PTPRT: variants seen among roughly 807,000 people sequenced by gnomAD.
PTPRT encodes receptor-type tyrosine-protein phosphatase T.
PTPRT carries 56 observed loss-of-function variants against 176.8 expected under a neutral mutation model. The ratio of observed to expected loss-of-function variants is 0.32; its 90% CI spans 0.26 to 0.40. The LOEUF (loss-of-function observed/expected upper bound fraction) is 0.40, where lower values mean the gene tolerates loss of function less well. Among genes scored for constraint, PTPRT ranks in the 10% least tolerant of loss-of-function variants. The pLI is 1.00. For missense variants in PTPRT, 1,540 were observed against 1,908.2 expected, an observed-to-expected ratio of 0.81 and a Z score of 3.60; for synonymous variants, 783 against 739.0, an observed-to-expected ratio of 1.06 and a Z score of -0.96.
rs1377229392 is a variant in PTPRT, at chr20:43,014,080, G to A, written c.89-128148C>T. ...ATACATTCCCTTCCGTCAAGTACTTGGTGGAGAGATAATGATTAAAACATA... is the reference window on the plus strand; with the variant it reads ...ATACATTCCCTTCCGTCAAGTACTTAGTGGAGAGATAATGATTAAAACATA... On this transcript the variant is annotated intron_variant, in intron 1 of 30. Transcript: ENST00000373187. 2.6e-5 allele frequency among the ~76,000 whole-genome samples: 4 copies of A among 152,242 alleles called. No individual in the cohort carries two copies. In the East Asian group the frequency reaches 7.7e-4, roughly 29 times the overall value.
chr20:43,014,188 T>C (rs1395948115), intron 1 of PTPRT, among the ~76,000 whole-genome samples: 1 of 152,120 alleles, frequency 6.6e-6, no homozygotes, highest in Non-Finnish European at 1.5e-5. Flanking sequence ...GGTAACCACA[T>C]GGCACTTCCC....
At chr20:42,675,679 C>T (rs1793420086) in intron 7 of PTPRT, among the ~76,000 whole-genome samples, 1 of 152,218 alleles carries the variant, frequency 6.6e-6, no homozygotes, top group Non-Finnish European at 1.5e-5. Context: ...AACTGAGCAG[C>T]ACAGTAGACT....
chr20:42,426,162 G>C (rs1302279298), intron 9 of PTPRT, among the ~76,000 whole-genome samples: 1 of 152,050 alleles, frequency 6.6e-6, no homozygotes, highest in Non-Finnish European at 1.5e-5. Context: ...AGCCCTAAAT[G>C]GGAACAGGCA....
At chr20:42,975,480 T>C (rs1421528639) in intron 1 of PTPRT, among the ~76,000 whole-genome samples, 9 of 152,242 alleles carry the variant, frequency 5.9e-5, no homozygotes, top group Admixed American at 5.9e-4. Flanking sequence ...GGATAGGTAC[T>C]TTTTTATATA....
intron 9 of PTPRT, among the ~76,000 whole-genome samples, chr20:42,411,600 A>G (rs2059019630): frequency 1.3e-5 from 2 of 152,004 alleles, no homozygotes; most frequent in Admixed American, 6.6e-5. Context: ...GAGAAAGAAA[A>G]GAAAGAAGAC....
chr20:42,962,248 G>A (rs1982026582), intron 1 of PTPRT, among the ~76,000 whole-genome samples: 1 of 152,140 alleles, frequency 6.6e-6, no homozygotes, highest in Middle Eastern at 3.2e-3. Flanking sequence ...CATTAGTTGA[G>A]GCATTAATGT....
intron 22 of PTPRT, 39 bp from the exon 23 acceptor site, chr20:42,110,526 C>A: frequency 6.5e-7 from 1 of 1,548,098 alleles, no homozygotes; most frequent in South Asian, 1.2e-5. Flanking sequence ...CAGCTGCTGC[C>A]CTCGCATACC....
At chr20:42,913,109 C>A (rs1340289308) in intron 1 of PTPRT, among the ~76,000 whole-genome samples, 2 of 152,206 alleles carry the variant, frequency 1.3e-5, no homozygotes, top group African/African-American at 4.8e-5. Context: ...ATTAAAACGA[C>A]TGTATGGATA....
chr20:42,336,203 T>C (rs2058037312), intron 11 of PTPRT, among the ~76,000 whole-genome samples: 1 of 152,108 alleles, frequency 6.6e-6, no homozygotes, highest in South Asian at 2.1e-4. Flanking sequence ...AAGTTGGCCA[T>C]TGTGTAGTTA....
chr20:42,213,419 C>T (rs901095305), intron 15 of PTPRT, among the ~76,000 whole-genome samples: 2 of 152,092 alleles, frequency 1.3e-5, no homozygotes, highest in African/African-American at 4.8e-5. Flanking sequence ...GGGGAGTTGG[C>T]ATCTAAGAAT....
intron 7 of PTPRT, among the ~76,000 whole-genome samples, chr20:42,660,146 G>A (rs2075197769): frequency 6.6e-6 from 1 of 152,224 alleles, no homozygotes; most frequent in Non-Finnish European, 1.5e-5. Context: ...TGCAAGAGCA[G>A]GTGGTGCTGG....
rs192641981 is a variant in PTPRT, at chr20:43,146,139, T to C, written c.88+43507A>G. 3.2e-3 allele frequency among the ~76,000 whole-genome samples: 493 copies of C among 152,286 alleles called. 5 individuals carry two copies. Among genetic ancestry groups the C allele is most frequent in the African/African-American group, 0.011 (444 of 41,568 alleles). On this transcript the variant is annotated intron_variant, in intron 1 of 30. Coordinates refer to ENST00000373187, the MANE Select transcript of PTPRT (RefSeq NM_007050.6). ...ACTTGGTTCTTCTTCTTGGACTTTT[T>C]TTCTCTACCCAACTTCCTACATTTT...
At chr20:43,040,815 T>C (rs1298838333) in intron 1 of PTPRT, among the ~76,000 whole-genome samples, 2 of 152,214 alleles carry the variant, frequency 1.3e-5, no homozygotes, top group African/African-American at 4.8e-5. Flanking sequence ...TGTGTCTCCC[T>C]GTGCCCACTC....
intron 9 of PTPRT, among the ~76,000 whole-genome samples, chr20:42,375,030 G>A (rs1046981444): frequency 4.6e-5 from 7 of 152,096 alleles, no homozygotes; most frequent in Non-Finnish European, 2.9e-5. Flanking sequence ...ATTAACATTC[G>A]ACCAAAGTAA....
chr20:42,672,298 C>CCTA (rs1241833921), intron 7 of PTPRT, among the ~76,000 whole-genome samples: 1 of 152,144 alleles, frequency 6.6e-6, no homozygotes, highest in African/African-American at 2.4e-5. Context: ...AGTCTACTGG[C>CCTA]CTACATCTTT....
intron 1 of PTPRT, among the ~76,000 whole-genome samples, chr20:43,045,954 G>A (rs1402532890): frequency 1.3e-5 from 2 of 152,154 alleles, no homozygotes; most frequent in Admixed American, 6.5e-5. Flanking sequence ...CAAGGACTAA[G>A]TCATGCAGAG....
chr20:42,660,006 T>A (rs1468823117), intron 7 of PTPRT, among the ~76,000 whole-genome samples: 1 of 152,108 alleles, frequency 6.6e-6, no homozygotes, highest in Non-Finnish European at 1.5e-5. Context: ...AAAATTACTT[T>A]ACTCCTCAGA....
chr20:42,153,538 T>C (rs1989223312), intron 17 of PTPRT, among the ~76,000 whole-genome samples: 1 of 152,204 alleles, frequency 6.6e-6, no homozygotes, highest in Non-Finnish European at 1.5e-5. Flanking sequence ...CCATGTGCTC[T>C]GTTAGAAACA....
At chr20:42,773,095 C>T (rs2077086510) in intron 4 of PTPRT, among the ~76,000 whole-genome samples, 1 of 152,174 alleles carries the variant, frequency 6.6e-6, no homozygotes, top group South Asian at 2.1e-4. Context: ...CAGATAGACT[C>T]CAGGGTCTGC....
Sources: gnomAD v4.1 joint callset for allele counts (sites outside exome capture counted in the v4.1 genomes callset) on GRCh38, gnomAD v4.1.1 for gene constraint, MANE v1.5 for transcripts, NCBI Gene and HGNC (gene_info 2026-07-23, HGNC 2026-07-21) for gene names.